NELL1: variants seen among roughly 807,000 people sequenced by gnomAD.
NELL1 encodes neural EGFL like 1.
In NELL1, 76 loss-of-function variants were observed where a neutral mutation model predicts 107.4. The ratio of observed to expected loss-of-function variants is 0.71; its 90% CI spans 0.59 to 0.86. The LOEUF (loss-of-function observed/expected upper bound fraction) is 0.86, where lower values mean the gene tolerates loss of function less well. NELL1 is among the 40% of genes least tolerant of loss of function. The pLI, the probability that NELL1 is intolerant of heterozygous loss-of-function variation, is 0.00. For synonymous variants in NELL1, 353 were observed against 341.2 expected (o/e 1.03, Z -0.38); for missense variants, 1,024 against 1,005.5 (o/e 1.02, Z -0.25).
chr11:21,390,510 AAC>A (rs60248049), intron 15 of NELL1, among the ~76,000 whole-genome samples: 6,404 of 142,344 alleles, frequency 0.045, 133 homozygotes, highest in Middle Eastern at 0.081. Context: ...TGTGTGGATG[AAC>A]ACACACACAC....
Position 20,847,744 on chromosome 11 carries a change from A to G in NELL1, c.497A>G (p.Asp166Gly). The change falls in exon 4 of 20, where the codon GAC becomes GGC. Residue 166 changes from aspartate to glycine, a missense_variant. Asp to Gly is a moderately conservative substitution (Grantham distance 94). Transcript: ENST00000357134. ...GCCTCTCATCTCCTGCTCCATGTCG[A>G]CTGTAACAGGTATTTCTTTGTCTTT... ...VSASHLLLHV[D>G]CNRIYERVID... 1 of 1,610,634 alleles carries G rather than the reference A, an allele frequency of 6.2e-7. No individual in the cohort carries two copies.
intron 15 of NELL1, among the ~76,000 whole-genome samples, chr11:21,509,546 A>G (rs1458049003): frequency 6.6e-6 from 1 of 152,220 alleles, no homozygotes; most frequent in East Asian, 1.9e-4. Flanking sequence ...GGTAAATATC[A>G]AAATAACAAA....
At chr11:21,099,443 C>T (rs1361221431) in intron 12 of NELL1, among the ~76,000 whole-genome samples, 2 of 152,124 alleles carry the variant, frequency 1.3e-5, no homozygotes, top group African/African-American at 2.4e-5. Context: ...CATTGGCTGG[C>T]TCGGTGGATG....
chr11:21,240,820 T>C (rs1367974803), intron 14 of NELL1, among the ~76,000 whole-genome samples: 1 of 151,840 alleles, frequency 6.6e-6, no homozygotes, highest in African/African-American at 2.4e-5. Flanking sequence ...TTCCATCACT[T>C]TCCAAAGTCA....
At chr11:21,098,978 T>C (rs937299050) in intron 12 of NELL1, among the ~76,000 whole-genome samples, 1 of 151,742 alleles carries the variant, frequency 6.6e-6, no homozygotes, top group African/African-American at 2.4e-5. Context: ...TATTATTATA[T>C]TTGTGTATTT....
At chr11:20,670,931 CTTGG>C (rs1853889693) in intron 1 of NELL1, among the ~76,000 whole-genome samples, 1 of 152,256 alleles carries the variant, frequency 6.6e-6, no homozygotes, top group African/African-American at 2.4e-5. Context: ...GGCGTCTGCA[CTTGG>C]TTGGCTCAAA....
intron 14 of NELL1, among the ~76,000 whole-genome samples, chr11:21,364,103 T>G (rs1420493102): frequency 2.0e-5 from 3 of 152,062 alleles, no homozygotes; most frequent in Non-Finnish European, 4.4e-5. Context: ...AATTTGAAGA[T>G]TTCAGGAGTA....
chr11:21,277,492 G>A (rs1848894296), intron 14 of NELL1, among the ~76,000 whole-genome samples: 1 of 151,676 alleles, frequency 6.6e-6, no homozygotes, highest in Non-Finnish European at 1.5e-5. Flanking sequence ...TCAGTGTGGC[G>A]ATTCCTCAGG....
intron 4 of NELL1, among the ~76,000 whole-genome samples, chr11:20,862,160 T>C (rs1848990154): frequency 6.6e-6 from 1 of 152,190 alleles, no homozygotes; most frequent in Non-Finnish European, 1.5e-5. Flanking sequence ...TAAGTAAGTG[T>C]TTAATATGTG....
At chr11:20,871,774 C>T (rs1479044352) in intron 4 of NELL1, among the ~76,000 whole-genome samples, 1 of 151,890 alleles carries the variant, frequency 6.6e-6, no homozygotes, top group Non-Finnish European at 1.5e-5. Flanking sequence ...AATCCCAGCA[C>T]TTTGGGAGGC....
chr11:21,257,757 A>G (rs985615420), intron 14 of NELL1, among the ~76,000 whole-genome samples: 1 of 152,010 alleles, frequency 6.6e-6, no homozygotes, highest in African/African-American at 2.4e-5. Context: ...AAAGAGAACC[A>G]GGAGTTGTGG....
At chr11:21,167,289 C>A (rs1207922809) in intron 13 of NELL1, among the ~76,000 whole-genome samples, 4 of 151,834 alleles carry the variant, frequency 2.6e-5, no homozygotes, top group African/African-American at 4.9e-5. Context: ...AAGAGAGACT[C>A]TTCTCCTGGA....
intron 4 of NELL1, among the ~76,000 whole-genome samples, chr11:20,856,842 T>G (rs1461803730): frequency 6.6e-6 from 1 of 152,244 alleles, no homozygotes; most frequent in Admixed American, 6.5e-5. Flanking sequence ...TAGAGATGAT[T>G]GATACATTCA....
intron 13 of NELL1, among the ~76,000 whole-genome samples, chr11:21,202,018 A>G (rs1857281104): frequency 6.6e-6 from 1 of 152,108 alleles, no homozygotes; most frequent in Non-Finnish European, 1.5e-5. Flanking sequence ...GTGCTGCCGG[A>G]TTCGGTTTGC....
intron 13 of NELL1, among the ~76,000 whole-genome samples, chr11:21,125,621 T>A (rs1855470277): frequency 6.6e-6 from 1 of 152,218 alleles, no homozygotes; most frequent in Non-Finnish European, 1.5e-5. Context: ...AGGCATTAAA[T>A]GCTATGGGAA....
intron 3 of NELL1, among the ~76,000 whole-genome samples, chr11:20,802,838 TC>T (rs1857306507): frequency 6.6e-6 from 1 of 152,236 alleles, no homozygotes; most frequent in African/African-American, 2.4e-5. Context: ...TATAATTTTT[TC>T]CTTCATTCTG....
chr11:21,067,125 G>T (rs901379203), intron 12 of NELL1, among the ~76,000 whole-genome samples: 5 of 151,952 alleles, frequency 3.3e-5, no homozygotes, highest in Non-Finnish European at 7.4e-5. Flanking sequence ...TCACAGTAAG[G>T]AATTAGCTTC....
intron 2 of NELL1, among the ~76,000 whole-genome samples, chr11:20,716,991 T>G (rs1256286061): frequency 2.0e-5 from 3 of 152,232 alleles, no homozygotes; most frequent in African/African-American, 7.2e-5. Context: ...GTTCATTAGT[T>G]TGAACTACTG....
chr11:21,392,410 A>T (rs1355978529), intron 15 of NELL1, among the ~76,000 whole-genome samples: 1 of 151,856 alleles, frequency 6.6e-6, no homozygotes, highest in Admixed American at 6.6e-5. Context: ...CCTGTCTTCT[A>T]AGTGAGTTAT....
Sources: gnomAD v4.1 joint callset for allele counts (sites outside exome capture counted in the v4.1 genomes callset) on GRCh38, gnomAD v4.1.1 for gene constraint, MANE v1.5 for transcripts, NCBI Gene and HGNC (gene_info 2026-07-23, HGNC 2026-07-21) for gene names.